Variants in GLYATL1 observed in about 807,000 individuals in gnomAD.
GLYATL1 encodes glycine-N-acyltransferase like 1, also known as glycine N-acyltransferase-like protein 1.
In GLYATL1, 15 loss-of-function variants were observed where a neutral mutation model predicts 20.0. That is an observed-to-expected ratio of 0.75 (90% CI 0.50 to 1.15). The LOEUF (loss-of-function observed/expected upper bound fraction) is 1.15, where lower values mean the gene tolerates loss of function less well. Among genes scored for constraint, GLYATL1 ranks in the 50% most tolerant of loss-of-function variants. GLYATL1 has a pLI of 0.00. For missense variants in GLYATL1, 380 were observed against 368.5 expected, an observed-to-expected ratio of 1.03 and a Z score of -0.26; for synonymous variants, 151 against 131.5, an observed-to-expected ratio of 1.15 and a Z score of -1.01.
At chr11:58,929,422 A>G (rs780515922) in intron 1 of GLYATL1, among the ~76,000 whole-genome samples, 6 of 152,358 alleles carry the variant, frequency 3.9e-5, no homozygotes, top group Non-Finnish European at 5.9e-5. Context: ...TATAATTTTC[A>G]AAAGTTAAAC....
intron 1 of GLYATL1, among the ~76,000 whole-genome samples, chr11:58,907,010 A>G (rs562477624): frequency 6.6e-6 from 1 of 152,318 alleles, no homozygotes; most frequent in East Asian, 1.9e-4. Context: ...GAACAATAAA[A>G]GGTTGATCTG....
chr11:58,912,013 G>T (rs770539472), downstream of GLYATL1, among the ~76,000 whole-genome samples: 15 of 152,092 alleles, frequency 9.9e-5, no homozygotes, highest in Non-Finnish European at 1.6e-4. Flanking sequence ...GTCAAATTTT[G>T]TGTGTTTGTG....
chr11:58,953,055 A>T (rs1382441712), intron 4 of GLYATL1, among the ~76,000 whole-genome samples: 2 of 152,206 alleles, frequency 1.3e-5, no homozygotes, highest in East Asian at 3.9e-4. Flanking sequence ...TAGACTGGAT[A>T]AAAAAAACTT....
At chr11:58,916,127 C>T (rs1855165491) in intron 1 of GLYATL1, among the ~76,000 whole-genome samples, 1 of 152,206 alleles carries the variant, frequency 6.6e-6, no homozygotes, top group East Asian at 1.9e-4. Context: ...TGTCCCTAGA[C>T]TCTCCTTCCT....
Position 58,955,247 on chromosome 11 carries a change from A to C in GLYATL1, c.385A>C (p.Arg129=). 6.2e-7 allele frequency: 1 copy of C among 1,614,124 alleles called. No homozygotes were observed. The highest frequency in any genetic ancestry group is 8.5e-7 in the Non-Finnish European group (1 of 1,179,962). ...FSKSVKVEHS[R]ALLLVTEDIL... ...AAAGTCAGTGAAAGTAGAGCATTCGAGAGCACTCCTCTTGGTTACGGAAGA... is the reference window on the plus strand; with the variant it reads ...AAAGTCAGTGAAAGTAGAGCATTCGCGAGCACTCCTCTTGGTTACGGAAGA... Residue 129 remains arginine, a synonymous_variant, in exon 6 of 7, where the codon AGA becomes CGA. Transcript: ENST00000532726.
At chr11:58,914,539 T>C (rs1471727837) in intron 1 of GLYATL1, among the ~76,000 whole-genome samples, 1 of 152,176 alleles carries the variant, frequency 6.6e-6, no homozygotes, top group Non-Finnish European at 1.5e-5. Context: ...CCCGGTGAGA[T>C]ATCATGTTAG....
chr11:58,910,528 C>T (rs1412672496), downstream of GLYATL1, among the ~76,000 whole-genome samples: 1 of 152,160 alleles, frequency 6.6e-6, no homozygotes, highest in East Asian at 1.9e-4. Flanking sequence ...TTAGACAATA[C>T]AGATGTAGAA....
upstream of GLYATL1, chr11:58,935,611 T>C (rs1855797539): frequency 6.6e-6 from 1 of 152,198 alleles, no homozygotes; most frequent in South Asian, 2.1e-4. Flanking sequence ...TTCTGACATT[T>C]TGCTGATGTC....
chr11:58,926,217 C>A (rs892972268), upstream of GLYATL1, among the ~76,000 whole-genome samples: 29 of 152,234 alleles, frequency 1.9e-4, no homozygotes, highest in African/African-American at 6.5e-4. Flanking sequence ...ATTGTTGTAG[C>A]CAGCCTCTGA....
At chr11:58,907,893 C>G (rs970616219) in exon 2 of GLYATL1, 1 of 154,390 alleles carries the variant, frequency 6.5e-6, no homozygotes, top group Non-Finnish European at 1.4e-5. Flanking sequence ...TGAGTAGTCT[C>G]CCTGATACTT....
chr11:58,943,504 C>T, intron 1 of GLYATL1, 39 bp from the exon 2 acceptor site: 1 of 1,565,724 alleles, frequency 6.4e-7, no homozygotes, highest in Non-Finnish European at 8.7e-7. Flanking sequence ...TAATGAAACT[C>T]CTTTAAGTTT....
At position 58,947,103 on chromosome 11, in the gene GLYATL1, A is replaced by G. The variant is rs367748078; in HGVS notation, c.16A>G (p.Asn6Asp). 3.6e-5 allele frequency: 58 copies of G among 1,613,962 alleles called. No homozygotes were observed. The highest frequency in any genetic ancestry group is 3.3e-4 in the Middle Eastern group (2 of 6,084). The change falls in exon 3 of 7, where the codon AAC becomes GAC. Residue 6 changes from asparagine to aspartate, a missense_variant. Coordinates refer to ENST00000532726, the MANE Select transcript of GLYATL1 (RefSeq NM_001389712.2). MILLN[N>D]SHKLLALYKS... ...ATCCCACAGAATGATCCTACTGAAT[A>G]ACTCCCATAAGCTGCTGGCCCTATA... is the stretch of plus-strand genomic sequence containing the variant.
At chr11:58,914,054 C>A (rs1038676000) in intron 1 of GLYATL1, among the ~76,000 whole-genome samples, 7 of 152,160 alleles carry the variant, frequency 4.6e-5, no homozygotes, top group Non-Finnish European at 1.0e-4. Flanking sequence ...CTTTTCCCAA[C>A]CCTGGCCAGG....
upstream of GLYATL1, among the ~76,000 whole-genome samples, chr11:58,939,191 A>G (rs964041827): frequency 1.6e-4 from 24 of 152,224 alleles, no homozygotes; most frequent in Non-Finnish European, 2.9e-4. Context: ...TCCCATCCAG[A>G]CAATGGGACA....
chr11:58,905,638 G>T (rs1297007583), exon 1 of GLYATL1: 1 of 456,042 alleles, frequency 2.2e-6, no homozygotes, highest in South Asian at 1.5e-5. Context: ...AAGAAGCAGG[G>T]CAGTGACTGC....
At chr11:58,952,660 C>G (rs1857080154) in intron 4 of GLYATL1, among the ~76,000 whole-genome samples, 1 of 152,130 alleles carries the variant, frequency 6.6e-6, no homozygotes, top group Admixed American at 6.5e-5. Flanking sequence ...TTCCATCATC[C>G]TGGTAGTGAG....
At chr11:58,908,461 C>T in exon 2 of GLYATL1, 1 of 192,506 alleles carries the variant, frequency 5.2e-6, no homozygotes, top group Admixed American at 4.7e-5. Context: ...TGTCTTTGAA[C>T]TCATCATGAA....
intron 2 of GLYATL1, among the ~76,000 whole-genome samples, 156 bp downstream of exon 2, chr11:58,943,822 A>G (rs985737094): frequency 6.6e-6 from 1 of 152,246 alleles, no homozygotes; most frequent in Non-Finnish European, 1.5e-5. Flanking sequence ...ACTGGCCTGG[A>G]TCCAGTTAGA....
At chr11:58,924,550 G>A (rs755946145), upstream of GLYATL1, among the ~76,000 whole-genome samples, 7 of 152,206 alleles carry the variant, frequency 4.6e-5, no homozygotes, top group Non-Finnish European at 1.0e-4. Context: ...GCACCATTCT[G>A]AGTGAATCCC....
Sources: gnomAD v4.1 joint callset for allele counts (sites outside exome capture counted in the v4.1 genomes callset) on GRCh38, gnomAD v4.1.1 for gene constraint, MANE v1.5 for transcripts, NCBI Gene and HGNC (gene_info 2026-07-23, HGNC 2026-07-21) for gene names.